WDR17: variants seen among roughly 807,000 people sequenced by gnomAD.
WDR17 encodes the protein WD repeat domain 17.
In WDR17, 143 loss-of-function variants were observed where a neutral mutation model predicts 161.7. The ratio of observed to expected loss-of-function variants is 0.88; its 90% confidence interval spans 0.77 to 1.02. WDR17 has a LOEUF of 1.02. WDR17 is among the 50% of genes least tolerant of loss of function. The pLI is 0.00. For synonymous variants in WDR17, 517 were observed against 515.6 expected (o/e 1.00, Z -0.04); for missense variants, 1,469 against 1,520.9 (o/e 0.97, Z 0.57).
At chr4:176,169,755 T>C (rs1223113792) in intron 23 of WDR17, among the ~76,000 whole-genome samples, 2 of 152,144 alleles carry the variant, frequency 1.3e-5, no homozygotes, top group African/African-American at 4.8e-5. Flanking sequence ...AACGTGTGGG[T>C]GGATATGTGT....
intron 15 of WDR17, 104 bp from the exon 16 acceptor site, chr4:176,150,364 A>G: frequency 4.7e-6 from 7 of 1,476,580 alleles, no homozygotes; most frequent in South Asian, 2.9e-5. Flanking sequence ...TATTTTGTTA[A>G]TTTTTAAATT....
intron 17 of WDR17, 74 bp downstream of exon 17, chr4:176,152,041 G>A: frequency 8.9e-6 from 13 of 1,464,018 alleles, no homozygotes; most frequent in African/African-American, 1.5e-5. Flanking sequence ...TCAATTTTAA[G>A]TATTAAAAAT....
At chr4:176,107,057 A>G (rs1738864668) in intron 1 of WDR17, among the ~76,000 whole-genome samples, 1 of 152,198 alleles carries the variant, frequency 6.6e-6, no homozygotes. Flanking sequence ...TAATACCGCA[A>G]ATATAGGGAA....
intron 4 of WDR17, 112 bp from the exon 5 acceptor site, chr4:176,124,992 T>C: frequency 8.0e-7 from 1 of 1,242,260 alleles, no homozygotes; most frequent in South Asian, 1.5e-5. Flanking sequence ...ACCACATTTG[T>C]ATTTTCAATA....
Position 176,125,205 on chromosome 4 carries a change from T to G in WDR17, c.640T>G (p.Tyr214Asp), listed in dbSNP as rs1279240690. ...GGAATGGGACCCACTATCTACTGAT[T>G]ATCTTCTAGTGGTTAATTTGCATTA... is the stretch of plus-strand genomic sequence containing the variant. ...ALEWDPLSTD[Y>D]LLVVNLHYGI... The change falls in exon 5 of 29, where the codon TAT (tyrosine) becomes GAT (aspartate). Residue 214 changes from tyrosine to aspartate, a missense_variant. By Grantham distance (160) the Tyr-to-Asp change is radical (BLOSUM62 -3). Coordinates refer to ENST00000508596, the MANE Select transcript of WDR17 (RefSeq NM_181265.4). 6.2e-7 allele frequency: 1 copy of G among 1,614,174 alleles called. No individual in the cohort carries two copies. The highest frequency in any genetic ancestry group is 1.1e-5 in the South Asian group (1 of 91,092).
intron 1 of WDR17, among the ~76,000 whole-genome samples, chr4:176,068,040 T>C (rs553218143): frequency 1.3e-5 from 2 of 152,366 alleles, no homozygotes; most frequent in African/African-American, 4.8e-5. Flanking sequence ...CCAGAATTTC[T>C]TTGAAATCTA....
At chr4:176,138,004 T>TTA (rs1744681614) in intron 9 of WDR17, among the ~76,000 whole-genome samples, 1 of 144,348 alleles carries the variant, frequency 6.9e-6, no homozygotes, top group Non-Finnish European at 1.5e-5. Flanking sequence ...TGAAGGTGGA[T>TTA]TATATAGTTT....
intron 22 of WDR17, among the ~76,000 whole-genome samples, chr4:176,167,117 A>G (rs564128365): frequency 7.9e-5 from 12 of 152,226 alleles, no homozygotes; most frequent in African/African-American, 2.4e-4. Context: ...GAGCTTGCCA[A>G]TTGTCTTTAT....
chr4:176,160,967 A>G lies in WDR17; in HGVS notation c.2715A>G (p.Ser905=), dbSNP rs771604841. The change falls in exon 20 of 29, where the codon TCA becomes TCG. Residue 905 remains serine, a synonymous_variant. Transcript: ENST00000508596. ...PLHVSVPKGA[S]YSDDIYKEDF... ...ATGTTTCCGTGCCTAAAGGAGCTTC[A>G]TATTCTGATGATATCTACAAGGAAG... is the stretch of plus-strand genomic sequence containing the variant. 6.2e-7 allele frequency: 1 copy of G among 1,610,806 alleles called. No individual in the cohort carries two copies. Among genetic ancestry groups the G allele is most frequent in the Non-Finnish European group, 8.5e-7 (1 of 1,178,548 alleles).
chr4:176,165,365 G>C (rs574088948), intron 22 of WDR17, among the ~76,000 whole-genome samples: 1 of 151,702 alleles, frequency 6.6e-6, no homozygotes, highest in Non-Finnish European at 1.5e-5. Context: ...GTGAAACTTC[G>C]TCTCAAGGAA....
Position 176,115,975 on chromosome 4 carries a change from A to G in WDR17, c.303A>G (p.Thr101=). The G allele has an allele frequency of 6.3e-7, 1 of 1,598,436 alleles. No individual in the cohort carries two copies. The highest frequency in any genetic ancestry group is 1.1e-5 in the South Asian group (1 of 87,450). ...EQKVIAKLDS[T]KGIPASLSWC... Reference sequence around the variant, plus strand: ...AAGTCATTGCTAAACTCGACAGTACAAAAGGTATAATTACAACTGGGATTT... The same window carrying G: ...AAGTCATTGCTAAACTCGACAGTACGAAAGGTATAATTACAACTGGGATTT... The change falls in exon 3 of 29, where the codon ACA becomes ACG. Residue 101 remains threonine (T), a synonymous_variant. Transcript: ENST00000508596.
At chr4:176,094,433 G>A (rs996720582) in intron 1 of WDR17, among the ~76,000 whole-genome samples, 4 of 152,152 alleles carry the variant, frequency 2.6e-5, no homozygotes, top group Non-Finnish European at 5.9e-5. Context: ...GAGATTTGAG[G>A]ATTTGAGAAA....
At chr4:176,162,437 A>G (rs570574655) in intron 21 of WDR17, among the ~76,000 whole-genome samples, 38 of 152,334 alleles carry the variant, frequency 2.5e-4, no homozygotes, top group Non-Finnish European at 4.6e-4. Context: ...AAACATTTCA[A>G]CATAGATGAG....
At chr4:176,146,251 A>G (rs1746143492) in intron 12 of WDR17, 92 bp downstream of exon 12, 9 of 1,339,016 alleles carry the variant, frequency 6.7e-6, no homozygotes, top group Non-Finnish European at 8.1e-6. Context: ...ATATATAGAT[A>G]TATACAGAGT....
intron 1 of WDR17, among the ~76,000 whole-genome samples, chr4:176,097,463 T>G (rs921071965): frequency 9.9e-5 from 15 of 151,944 alleles, no homozygotes; most frequent in African/African-American, 2.9e-4. Context: ...TAATTATAAA[T>G]CCTCAACAGT....
chr4:176,080,876 G>A (rs959740928), intron 1 of WDR17, among the ~76,000 whole-genome samples: 2 of 151,954 alleles, frequency 1.3e-5, no homozygotes, highest in Admixed American at 1.3e-4. Flanking sequence ...TGTATGAAAT[G>A]CTTATCCAGA....
chr4:176,162,614 T>G (rs1214794238), intron 21 of WDR17, among the ~76,000 whole-genome samples: 1 of 152,194 alleles, frequency 6.6e-6, no homozygotes, highest in African/African-American at 2.4e-5. Context: ...TCACATATAT[T>G]TGTTAGGATT....
intron 23 of WDR17, 131 bp from the exon 24 acceptor site, chr4:176,172,244 C>A: frequency 1.3e-6 from 1 of 766,568 alleles, no homozygotes; most frequent in Non-Finnish European, 2.1e-6. Flanking sequence ...CAAATAATTT[C>A]ATTTACATCT....
intron 5 of WDR17, among the ~76,000 whole-genome samples, chr4:176,127,540 C>T (rs772975425): frequency 6.6e-5 from 10 of 152,220 alleles, no homozygotes; most frequent in Non-Finnish European, 1.3e-4. Context: ...AAGTGATCCA[C>T]CTGCCTCAGC....
Sources: allele counts gnomAD v4.1 joint callset (sites outside exome capture counted in the v4.1 genomes callset), GRCh38; gene constraint gnomAD v4.1.1; transcripts MANE v1.5; gene names NCBI Gene and HGNC (gene_info 2026-07-23, HGNC 2026-07-21).